Variants in ZMIZ1 observed in about 807,000 individuals in gnomAD.
The protein encoded by ZMIZ1 is zinc finger MIZ domain-containing protein 1.
In ZMIZ1, 17 loss-of-function variants were observed where a neutral mutation model predicts 113.9. The observed-to-expected ratio is 0.15, with a 90% confidence interval of 0.10 to 0.22. The LOEUF (loss-of-function observed/expected upper bound fraction) is 0.22. ZMIZ1 is among the 10% of genes least tolerant of loss of function. ZMIZ1 has a pLI of 1.00. For synonymous variants in ZMIZ1, 607 were observed against 603.1 expected (o/e 1.01, Z -0.09); for missense variants, 1,059 against 1,477.8 (o/e 0.72, Z 4.65).
At chr10:79,303,892 G>C in intron 18 of ZMIZ1, 123 bp from the exon 19 acceptor site, 2 of 1,382,890 alleles carry the variant, frequency 1.4e-6, no homozygotes, top group Non-Finnish European at 2.0e-6. Flanking sequence ...AGCGTTTGGT[G>C]TGGGCTGGGA....
chr10:79,264,922 G>A (rs1851498716), intron 7 of ZMIZ1, among the ~76,000 whole-genome samples: 1 of 152,230 alleles, frequency 6.6e-6, no homozygotes, highest in Admixed American at 6.5e-5. Context: ...CTGAGTTAGA[G>A]ATGATAGTGT....
chr10:79,267,398 C>A (rs1851672014), intron 7 of ZMIZ1, among the ~76,000 whole-genome samples: 1 of 152,158 alleles, frequency 6.6e-6, no homozygotes, highest in African/African-American at 2.4e-5. Context: ...CCTCTGCATC[C>A]CAAGGGAACA....
At chr10:79,290,763 C>A in intron 9 of ZMIZ1, 196 bp from the exon 10 acceptor site, 1 of 721,166 alleles carries the variant, frequency 1.4e-6, no homozygotes, top group South Asian at 1.5e-5. Flanking sequence ...TCTCATCCCC[C>A]ACGCCACCTG....
chr10:79,107,405 G>A (rs1235468510), intron 1 of ZMIZ1, among the ~76,000 whole-genome samples: 2 of 152,186 alleles, frequency 1.3e-5, no homozygotes, highest in African/African-American at 4.8e-5. Context: ...ACACCACACG[G>A]GGCTCTTGTG....
chr10:79,296,446 C>G lies in ZMIZ1; in HGVS notation c.1231-25C>G, dbSNP rs779220851. On this transcript the variant is annotated intron_variant, in intron 12 of 24. Transcript: ENST00000334512. The surrounding 1 kb of genome is among the most constrained non-coding windows in gnomAD (Gnocchi z 4.1). ...ACGTTGGCAACATTGAACGTGTTTC[C>G]CCTCTCCTTTCTCTCCCACCACAGC... is the stretch of plus-strand genomic sequence containing the variant. 17 of 1,612,964 alleles carry G rather than the reference C, an allele frequency of 1.1e-5. No homozygotes were observed. The highest frequency in any genetic ancestry group is 3.3e-5 in the South Asian group (3 of 91,028).
intron 2 of ZMIZ1, among the ~76,000 whole-genome samples, chr10:79,133,020 G>C (rs1844838021): frequency 6.6e-6 from 1 of 152,116 alleles, no homozygotes; most frequent in Admixed American, 6.5e-5. Context: ...AGAAAAGAAC[G>C]GTCGGTGGAA....
rs1021804938 is a variant in ZMIZ1, at chr10:79,313,953, C to A, written c.*1204C>A. 9.3e-6 allele frequency: 4 copies of A among 428,542 alleles called. No individual in the cohort carries two copies. The highest frequency in any genetic ancestry group is 2.4e-5 in the Admixed American group (1 of 41,338). 26.5% of individuals were successfully genotyped at this position (428,542 alleles called of 1,614,324 possible). A position where few individuals can be genotyped will look rare whatever the true frequency, so the allele number is the denominator to read the frequency against. On this transcript the variant is annotated 3_prime_UTR_variant, in exon 25 of 25. Coordinates refer to ENST00000334512, the MANE Select transcript of ZMIZ1 (RefSeq NM_020338.4). ...CTCTGTCCCTGTGCTCCAAGCTGCC[C>A]CCGGCTGCAGCCCAGGCCATGGACA...
At chr10:79,249,764 T>C (rs1850431802) in intron 7 of ZMIZ1, among the ~76,000 whole-genome samples, 1 of 152,184 alleles carries the variant, frequency 6.6e-6, no homozygotes, top group African/African-American at 2.4e-5. Context: ...GGTCACTCTG[T>C]GGCCCGCGGG....
chr10:79,147,869 G>A (rs907353053), intron 3 of ZMIZ1, among the ~76,000 whole-genome samples: 6 of 152,208 alleles, frequency 3.9e-5, no homozygotes, highest in South Asian at 2.1e-4. Context: ...GTGCATGTGG[G>A]CAGAACACAG....
intron 24 of ZMIZ1, among the ~76,000 whole-genome samples, chr10:79,312,186 G>A (rs1289117550): frequency 6.6e-6 from 1 of 152,256 alleles, no homozygotes; most frequent in Non-Finnish European, 1.5e-5. Context: ...ACCAAGGAGT[G>A]GCGAGCCCTT....
chr10:79,148,597 G>A (rs937503998), intron 3 of ZMIZ1, among the ~76,000 whole-genome samples: 2 of 152,178 alleles, frequency 1.3e-5, no homozygotes, highest in East Asian at 1.9e-4. Context: ...TGAGGGTGAC[G>A]CAGATCCGCC....
intron 4 of ZMIZ1, among the ~76,000 whole-genome samples, chr10:79,164,436 G>GTGAGTGAT (rs1846235867): frequency 1.6e-5 from 1 of 63,616 alleles, no homozygotes; most frequent in African/African-American, 8.3e-5. Context: ...GAGTGAGTGA[G>GTGAGTGAT]TGATTCTCAT....
intron 8 of ZMIZ1, among the ~76,000 whole-genome samples, chr10:79,283,556 A>G (rs1252723864): frequency 6.6e-6 from 1 of 152,106 alleles, no homozygotes; most frequent in Non-Finnish European, 1.5e-5. Context: ...CACCATCTCC[A>G]CAGCTGCCAT....
intron 4 of ZMIZ1, among the ~76,000 whole-genome samples, chr10:79,171,428 G>A (rs1846595035): frequency 6.6e-6 from 1 of 152,208 alleles, no homozygotes; most frequent in Admixed American, 6.5e-5. Context: ...CACATGTGGT[G>A]CCTGGTACAG....
chr10:79,269,456 AACACACACACACACAC>A (rs55634343), intron 7 of ZMIZ1, among the ~76,000 whole-genome samples: 9,341 of 138,552 alleles, frequency 0.067, 615 homozygotes, highest in East Asian at 0.21. Flanking sequence ...ACCTCCCCCC[AACACACACACACACAC>A]ACACACACAC....
rs1320553536 is a variant in ZMIZ1 at position 79,069,437 on chromosome 10, T to TGGCGGCCGGGGGCCGAGGCCC, written c.-337+177_-337+197dup. Among the ~76,000 whole-genome samples the TGGCGGCCGGGGGCCGAGGCCC allele has an allele frequency of 1.3e-5, 2 of 150,138 alleles. No homozygotes were observed. Among genetic ancestry groups the TGGCGGCCGGGGGCCGAGGCCC allele is most frequent in the Non-Finnish European group, 3.0e-5 (2 of 67,444 alleles). On this transcript the variant is annotated intron_variant, in intron 1 of 24. Coordinates refer to ENST00000334512, the MANE Select transcript of ZMIZ1 (RefSeq NM_020338.4). The surrounding 1 kb of genome is among the most constrained non-coding windows in gnomAD (Gnocchi z 4.6). ...GGCGCGGGCTCCGCTCCGCTCTCCT[T>TGGCGGCCGGGGGCCGAGGCCC]GGCGGCCGGGGGCCGAGGCCCGGCG...
rs1589590917 is a variant in ZMIZ1 at position 79,296,620 on chromosome 10, G to GC, written c.1386dup (p.Thr463HisfsTer14). 1 of 1,581,528 alleles carries GC rather than the reference G, an allele frequency of 6.3e-7. No individual in the cohort carries two copies. ...GCCAGCCGAGCTCCGGGCAGTACCCGCCCCCCACGGTCAACATGGGGCAGT... is the reference window on the plus strand; with the variant it reads ...GCCAGCCGAGCTCCGGGCAGTACCCGCCCCCCCACGGTCAACATGGGGCAGT... On this transcript the variant is annotated frameshift_variant, in exon 13 of 25. Transcript: ENST00000334512. LOFTEE classifies it high-confidence loss of function. The surrounding 1 kb of genome is among the most constrained non-coding windows in gnomAD (Gnocchi z 4.1).
Position 79,197,410 on chromosome 10 carries a change from T to C in ZMIZ1, c.-49-4174T>C, listed in dbSNP as rs558681879. Among the ~76,000 whole-genome samples the C allele has an allele frequency of 4.7e-3, 714 of 152,340 alleles. 5 individuals carry two copies. Among genetic ancestry groups the C allele is most frequent in the Non-Finnish European group, 8.4e-3 (570 of 68,026 alleles). On this transcript the variant is annotated intron_variant, in intron 4 of 24. Coordinates refer to ENST00000334512, the MANE Select transcript of ZMIZ1 (RefSeq NM_020338.4). ...AGGTGGCACTGTCTTGCTCCTGCTC[T>C]GGGCTCTCTGTGTCCTTGTCTTCCA...
intron 23 of ZMIZ1, among the ~76,000 whole-genome samples, chr10:79,309,433 T>C (rs1854963031): frequency 6.6e-6 from 1 of 152,216 alleles, no homozygotes; most frequent in African/African-American, 2.4e-5. Flanking sequence ...AGCTGGCCTC[T>C]CACTGACCAT....
Sources: allele counts gnomAD v4.1 joint callset (sites outside exome capture counted in the v4.1 genomes callset), GRCh38; gene constraint gnomAD v4.1.1; non-coding constraint Gnocchi (gnomAD v3.1); transcripts MANE v1.5; gene names NCBI Gene and HGNC (gene_info 2026-07-23, HGNC 2026-07-21).